The following FAM177A1 variants were observed in gnomAD, a reference collection of about 807,000 sequenced individuals.
FAM177A1 encodes the protein protein FAM177A1.
FAM177A1 carries 22 observed loss-of-function variants against 26.1 expected under a neutral mutation model. That is an observed-to-expected ratio of 0.84 (90% CI 0.60 to 1.20). FAM177A1 has a LOEUF of 1.20. FAM177A1 is among the 50% of genes most tolerant of loss of function. The probability of loss-of-function intolerance (pLI) is 0.00; values close to 1 mark genes in which losing one functional copy is unlikely to be tolerated. For synonymous variants in FAM177A1, 95 were observed against 99.3 expected, an observed-to-expected ratio of 0.96 and a Z score of 0.26; for missense variants, 296 against 291.1, an observed-to-expected ratio of 1.02 and a Z score of -0.12.
At chr14:35,049,161 G>A (rs2044923822) in intron 1 of FAM177A1, among the ~76,000 whole-genome samples, 1 of 151,858 alleles carries the variant, frequency 6.6e-6, no homozygotes, top group Admixed American at 6.6e-5. Context: ...CAAAGTGCTG[G>A]GATTACAGGT....
upstream of FAM177A1, chr14:35,045,856 T>C (rs958243279): frequency 6.6e-6 from 1 of 152,258 alleles, no homozygotes; most frequent in African/African-American, 2.4e-5. Flanking sequence ...TCTACAGTTA[T>C]ACTTAAGTAT....
At chr14:35,047,616 G>C (rs2044889901) in intron 1 of FAM177A1, among the ~76,000 whole-genome samples, 2 of 152,284 alleles carry the variant, frequency 1.3e-5, no homozygotes, top group East Asian at 3.9e-4. Flanking sequence ...GGGCGTGGTG[G>C]CGCTCGCCTG....
intron 3 of FAM177A1, among the ~76,000 whole-genome samples, chr14:35,077,468 C>CT (rs150813883): frequency 0.035 from 2,821 of 79,550 alleles, 199 homozygotes; most frequent in Non-Finnish European, 0.045. Context: ...TTTTCAAGTT[C>CT]TTTTTTTTTT....
At chr14:35,072,478 A>G (rs1466596311) in intron 2 of FAM177A1, among the ~76,000 whole-genome samples, 1 of 152,106 alleles carries the variant, frequency 6.6e-6, no homozygotes, top group East Asian at 1.9e-4. Context: ...CAAGAGAGAA[A>G]GGCGTACTTG....
At chr14:35,055,368 A>G (rs1411974869) in intron 2 of FAM177A1, among the ~76,000 whole-genome samples, 1 of 151,914 alleles carries the variant, frequency 6.6e-6, no homozygotes, top group Non-Finnish European at 1.5e-5. Flanking sequence ...TATACTTTGA[A>G]GGTAGTTCCA....
chr14:35,074,672 G>GATT (rs2045369029), intron 2 of FAM177A1, among the ~76,000 whole-genome samples: 3 of 151,684 alleles, frequency 2.0e-5, no homozygotes, highest in Non-Finnish European at 2.9e-5. Flanking sequence ...CCTTTTTAAT[G>GATT]CCCTTTTAAT....
chr14:35,066,220 C>T (rs1377607615), intron 2 of FAM177A1, among the ~76,000 whole-genome samples: 2 of 151,816 alleles, frequency 1.3e-5, no homozygotes, highest in South Asian at 4.2e-4. Context: ...ATATAGGCCA[C>T]CACACCTGTC....
chr14:35,046,794 G>T (rs2044874289), intron 1 of FAM177A1, 166 bp downstream of exon 1: 8 of 1,381,586 alleles, frequency 5.8e-6, no homozygotes, highest in Admixed American at 3.4e-5. Context: ...CAGCTTGTGG[G>T]AAGGAGCGCC....
rs2044866263 is a variant in FAM177A1 at position 35,046,516 on chromosome 14, C to T, written c.53C>T (p.Pro18Leu). ...ITLFLTSASSPVVATTMDQEP... is the reference protein window; with the variant it reads ...ITLFLTSASSLVVATTMDQEP... ...CTCTTTCTCACCAGCGCCAGCAGCCCTGTGGTGGCGACGACGATGGACCAG... is the reference window on the plus strand; with the variant it reads ...CTCTTTCTCACCAGCGCCAGCAGCCTTGTGGTGGCGACGACGATGGACCAG... The change falls in exon 1 of 5, where the codon CCT becomes CTT. Residue 18 changes from proline to leucine, a missense_variant. Physicochemically the swap from Pro to Leu is moderately conservative, Grantham distance 98 (BLOSUM62 -3). Transcript: ENST00000280987. The T allele has an allele frequency of 6.2e-7, 1 of 1,603,996 alleles. No homozygotes were observed. The highest frequency in any genetic ancestry group is 8.5e-7 in the Non-Finnish European group (1 of 1,176,734).
intron 2 of FAM177A1, among the ~76,000 whole-genome samples, chr14:35,061,222 T>A (rs541891827): frequency 1.1e-4 from 16 of 152,198 alleles, no homozygotes; most frequent in Middle Eastern, 3.4e-3. Flanking sequence ...AGCCTTGGAC[T>A]TTTCTAGGTG....
intron 2 of FAM177A1, among the ~76,000 whole-genome samples, chr14:35,068,620 G>A (rs1245797190): frequency 6.6e-6 from 1 of 152,128 alleles, no homozygotes; most frequent in Non-Finnish European, 1.5e-5. Context: ...AGCTACTATT[G>A]GGAAGCCTTC....
At chr14:35,052,210 C>T (rs1595037262) in intron 1 of FAM177A1, among the ~76,000 whole-genome samples, 1 of 152,094 alleles carries the variant, frequency 6.6e-6, no homozygotes, top group East Asian at 1.9e-4. Flanking sequence ...ATGTACTGTA[C>T]CTTTTTGAAA....
chr14:35,053,100 A>G (rs2045000506), intron 1 of FAM177A1, 178 bp from the exon 2 acceptor site: 3 of 574,028 alleles, frequency 5.2e-6, no homozygotes, highest in African/African-American at 1.9e-5. Context: ...TTGGTCTGCC[A>G]TAGTCTTGAC....
intron 2 of FAM177A1, among the ~76,000 whole-genome samples, chr14:35,061,205 C>T (rs1225970045): frequency 6.6e-6 from 1 of 152,140 alleles, no homozygotes; most frequent in Non-Finnish European, 1.5e-5. Context: ...TTTTTGAGAA[C>T]ACCCTTAGCC....
intron 1 of FAM177A1, chr14:35,050,323 A>G (rs908825932): frequency 3.3e-5 from 5 of 152,090 alleles, no homozygotes; most frequent in African/African-American, 1.2e-4. Context: ...TGTAAATTTT[A>G]TTTGTAATTA....
At chr14:35,054,555 T>C (rs2045029527) in intron 2 of FAM177A1, 1 of 152,166 alleles carries the variant, frequency 6.6e-6, no homozygotes, top group Non-Finnish European at 1.5e-5. Context: ...AAATATATAC[T>C]ATAATTATCA....
Position 35,081,274 on chromosome 14 carries a change from A to T in FAM177A1, c.*46A>T, listed in dbSNP as rs1356202449. On this transcript the variant is annotated 3_prime_UTR_variant, in exon 5 of 5. Transcript: ENST00000280987. ...TCAAACTCTTAAGTTTTTTTTTTTT[A>T]ATACAAAAACTTTCACATTCTTTAT... The T allele has an allele frequency of 4.9e-6, 7 of 1,425,920 alleles. No homozygotes were observed. The highest frequency in any genetic ancestry group is 1.3e-5 in the South Asian group (1 of 75,284). The allele number at this position is 1,425,920 out of a possible 1,614,324, so 88.3% of individuals were successfully genotyped here.
rs541185156 is a variant in FAM177A1 at position 35,079,118 on chromosome 14, C to T, written c.504+94C>T. ...GCCTATGTATTTTCTAACTGCCCAA[C>T]ATGTAGCTCTCTTATGCTAGGCATT... On this transcript the variant is annotated intron_variant, in intron 4 of 4. Transcript: ENST00000280987. 1.2e-5 allele frequency: 10 copies of T among 803,656 alleles called. No individual in the cohort carries two copies. In the Admixed American group the frequency reaches 2.6e-4, roughly 21 times the overall value. The allele number at this position is 803,656 out of a possible 1,614,324, so 49.8% of individuals were successfully genotyped here. A position where few individuals can be genotyped will look rare whatever the true frequency, so the allele number is the denominator to read the frequency against.
Position 35,083,295 on chromosome 14 carries a change from AG to A in FAM177A1, c.*2068del, listed in dbSNP as rs1236997859. ...TTTTGCTACTTGTCCAATAGTGGCTAGTTTATGTTTATCAATATAGTTATTC... is the reference window on the plus strand; with the variant it reads ...TTTTGCTACTTGTCCAATAGTGGCTATTTATGTTTATCAATATAGTTATTC... On this transcript the variant is annotated 3_prime_UTR_variant, in exon 5 of 5. Coordinates refer to ENST00000280987, the MANE Select transcript of FAM177A1 (RefSeq NM_173607.5). The A allele has an allele frequency of 3.3e-5, 5 of 152,642 alleles. No homozygotes were observed. Among genetic ancestry groups the A allele is most frequent in the African/African-American group, 4.8e-5 (2 of 41,460 alleles). The allele number at this position is 152,642 out of a possible 1,614,324, so 9.5% of individuals were successfully genotyped here.
Sources: gnomAD v4.1 joint callset for allele counts (sites outside exome capture counted in the v4.1 genomes callset) on GRCh38, gnomAD v4.1.1 for gene constraint, MANE v1.5 for transcripts, NCBI Gene and HGNC (gene_info 2026-07-23, HGNC 2026-07-21) for gene names.